Variants in LRMDA observed in about 807,000 individuals in gnomAD.
The protein encoded by LRMDA is leucine rich melanocyte differentiation associated.
Under a neutral mutation model 29.8 loss-of-function variants are expected in LRMDA, and 18 were observed. The observed-to-expected ratio is 0.60, with a 90% CI of 0.42 to 0.90. The LOEUF (loss-of-function observed/expected upper bound fraction) is 0.90, where lower values mean the gene tolerates loss of function less well. Ranked by LOEUF, LRMDA falls within the 40% of genes least tolerant of loss-of-function variation. The pLI is 0.00. For synonymous variants in LRMDA, 125 were observed against 109.4 expected (o/e 1.14, Z -0.89); for missense variants, 273 against 273.9 (o/e 1.00, Z 0.02).
At chr10:75,737,090 C>G (rs546266832) in intron 2 of LRMDA, among the ~76,000 whole-genome samples, 1 of 151,520 alleles carries the variant, frequency 6.6e-6, no homozygotes, top group Non-Finnish European at 1.5e-5. Flanking sequence ...CACATGCATG[C>G]ACACACACAC....
At chr10:75,974,004 A>G (rs1159873286) in intron 2 of LRMDA, among the ~76,000 whole-genome samples, 1 of 152,188 alleles carries the variant, frequency 6.6e-6, no homozygotes, top group Non-Finnish European at 1.5e-5. Context: ...GGCTTGGCAC[A>G]TAGTTTGAAC....
chr10:75,837,079 T>C (rs1160402272), intron 2 of LRMDA, among the ~76,000 whole-genome samples: 1 of 151,910 alleles, frequency 6.6e-6, no homozygotes, highest in Non-Finnish European at 1.5e-5. Flanking sequence ...CTGATATTGA[T>C]ATAGATATAG....
chr10:76,050,379 A>T (rs761633941), intron 4 of LRMDA, among the ~76,000 whole-genome samples: 7 of 152,240 alleles, frequency 4.6e-5, no homozygotes, highest in Non-Finnish European at 1.0e-4. Context: ...ACCATAAAAC[A>T]GGCTCATTAA....
chr10:76,151,307 T>G (rs1313820293), intron 5 of LRMDA, among the ~76,000 whole-genome samples: 1 of 152,244 alleles, frequency 6.6e-6, no homozygotes, highest in Non-Finnish European at 1.5e-5. Context: ...GGCTTGCTAC[T>G]GTTCTTCTGA....
At chr10:76,428,488 T>A (rs1363927755) in intron 6 of LRMDA, among the ~76,000 whole-genome samples, 1 of 152,036 alleles carries the variant, frequency 6.6e-6, no homozygotes, top group Admixed American at 6.5e-5. Context: ...TATAGACCCA[T>A]CATAGATCCA....
At chr10:76,336,585 A>G (rs1216990871) in intron 6 of LRMDA, among the ~76,000 whole-genome samples, 1 of 152,096 alleles carries the variant, frequency 6.6e-6, no homozygotes, top group Non-Finnish European at 1.5e-5. Context: ...GGGGGTGGGG[A>G]GCCAGGGAAA....
At chr10:76,295,429 G>A (rs1233147644) in intron 5 of LRMDA, among the ~76,000 whole-genome samples, 1 of 152,156 alleles carries the variant, frequency 6.6e-6, no homozygotes, top group East Asian at 1.9e-4. Flanking sequence ...TACATTTTCA[G>A]TCATTTCCTT....
At chr10:76,276,826 G>C (rs1840141681) in intron 5 of LRMDA, among the ~76,000 whole-genome samples, 2 of 151,962 alleles carry the variant, frequency 1.3e-5, no homozygotes, top group South Asian at 4.2e-4. Flanking sequence ...TCAGACTATG[G>C]GTTCTGTCTT....
intron 2 of LRMDA, among the ~76,000 whole-genome samples, chr10:75,831,271 T>C (rs1844339347): frequency 6.6e-6 from 1 of 152,118 alleles, no homozygotes; most frequent in African/African-American, 2.4e-5. Context: ...ATGGTCTTGA[T>C]CTCCTGACCT....
chr10:75,529,379 A>G (rs1414502286), intron 2 of LRMDA, among the ~76,000 whole-genome samples: 1 of 152,224 alleles, frequency 6.6e-6, no homozygotes, highest in Non-Finnish European at 1.5e-5. Context: ...AGCAGTCAAG[A>G]TTGAGGGAAG....
intron 2 of LRMDA, among the ~76,000 whole-genome samples, chr10:75,744,724 G>A (rs1472682696): frequency 2.0e-5 from 3 of 152,172 alleles, no homozygotes; most frequent in African/African-American, 7.2e-5. Flanking sequence ...TGTTATGCTA[G>A]ATGTTCACCT....
intron 5 of LRMDA, among the ~76,000 whole-genome samples, chr10:76,241,450 C>T (rs1852275990): frequency 6.6e-6 from 1 of 152,158 alleles, no homozygotes. Context: ...CTAATTTTAT[C>T]ATCCCTTTGT....
At chr10:76,181,862 A>G (rs1851056197) in intron 5 of LRMDA, among the ~76,000 whole-genome samples, 1 of 152,220 alleles carries the variant, frequency 6.6e-6, no homozygotes, top group Admixed American at 6.5e-5. Context: ...AACATAATTT[A>G]GCTCCTGCTT....
chr10:76,385,916 T>C (rs1379862372), intron 6 of LRMDA, among the ~76,000 whole-genome samples: 1 of 152,208 alleles, frequency 6.6e-6, no homozygotes, highest in Admixed American at 6.5e-5. Flanking sequence ...AATAAATATT[T>C]GCTGCTAATG....
At chr10:76,117,389 A>G (rs1375310087) in intron 5 of LRMDA, among the ~76,000 whole-genome samples, 1 of 152,182 alleles carries the variant, frequency 6.6e-6, no homozygotes, top group African/African-American at 2.4e-5. Flanking sequence ...TTGTGGGACA[A>G]ACTGGGAGAT....
chr10:75,632,516 T>C (rs1841336487), intron 2 of LRMDA, among the ~76,000 whole-genome samples: 1 of 152,270 alleles, frequency 6.6e-6, no homozygotes, highest in African/African-American at 2.4e-5. Context: ...ACTCTCAGAC[T>C]TATTAGAAAG....
chr10:76,065,250 G>A (rs1270393185), intron 5 of LRMDA, among the ~76,000 whole-genome samples: 3 of 152,278 alleles, frequency 2.0e-5, no homozygotes, highest in African/African-American at 7.2e-5. Context: ...CTTTGGAGGC[G>A]GCCTCTGTAG....
At chr10:76,345,906 T>C (rs1166781905) in intron 6 of LRMDA, among the ~76,000 whole-genome samples, 1 of 151,902 alleles carries the variant, frequency 6.6e-6, no homozygotes, top group Non-Finnish European at 1.5e-5. Context: ...GGTAAATTTG[T>C]AATATTGAAG....
chr10:75,857,270 C>T (rs140310951), intron 2 of LRMDA, among the ~76,000 whole-genome samples: 14 of 152,212 alleles, frequency 9.2e-5, no homozygotes, highest in Non-Finnish European at 1.6e-4. Context: ...AGAAACTTGG[C>T]GGGTTGGGGG....
Sources: allele counts gnomAD v4.1 joint callset (sites outside exome capture counted in the v4.1 genomes callset), GRCh38; gene constraint gnomAD v4.1.1; transcripts MANE v1.5; gene names NCBI Gene and HGNC (gene_info 2026-07-23, HGNC 2026-07-21).